Variants in AOAH observed in about 807,000 individuals in gnomAD.
AOAH encodes the protein acyloxyacyl hydrolase (neutrophil).
In AOAH, 64 loss-of-function variants were observed where a neutral mutation model predicts 92.2. That is an observed-to-expected ratio of 0.69 (90% confidence interval 0.57 to 0.86). The LOEUF (loss-of-function observed/expected upper bound fraction) is 0.86, where lower values mean the gene tolerates loss of function less well. Among genes scored for constraint, AOAH ranks in the 40% least tolerant of loss-of-function variants. The pLI is 0.00. For synonymous variants in AOAH, 263 were observed against 254.5 expected (o/e 1.03, Z -0.32); for missense variants, 656 against 694.6 (o/e 0.94, Z 0.62).
chr7:36,667,473 G>C (rs902718217), intron 3 of AOAH, among the ~76,000 whole-genome samples: 1 of 152,140 alleles, frequency 6.6e-6, no homozygotes, highest in Non-Finnish European at 1.5e-5. Flanking sequence ...ATTAAACTTT[G>C]TCATAGATAT....
chr7:36,550,356 CA>C (rs72089652), intron 13 of AOAH: 22,074 of 125,554 alleles, frequency 0.18, 1,704 homozygotes, highest in African/African-American at 0.24. Flanking sequence ...AGACTTGTCT[CA>C]AAAAAAAAAA....
chr7:36,548,425 AT>A (rs1221777050), intron 15 of AOAH, among the ~76,000 whole-genome samples, 186 bp downstream of exon 15: 2 of 152,086 alleles, frequency 1.3e-5, no homozygotes, highest in African/African-American at 4.8e-5. Flanking sequence ...ACCTCAGGTG[AT>A]CTGCCCACCT....
At chr7:36,533,697 GTGTT>G (rs772758512) in intron 16 of AOAH, among the ~76,000 whole-genome samples, 7,616 of 151,916 alleles carry the variant, frequency 0.05, 205 homozygotes, top group African/African-American at 0.059. Context: ...GTGTGTGTGT[GTGTT>G]TGTGTGTGTG....
intron 3 of AOAH, among the ~76,000 whole-genome samples, chr7:36,669,286 AG>A (rs1324313871): frequency 5.3e-5 from 8 of 151,932 alleles, no homozygotes; most frequent in African/African-American, 1.9e-4. Flanking sequence ...TCTTGTTTCT[AG>A]GTCACATCCT....
intron 3 of AOAH, among the ~76,000 whole-genome samples, chr7:36,663,340 C>A (rs1022436031): frequency 6.6e-6 from 1 of 152,124 alleles, no homozygotes; most frequent in African/African-American, 2.4e-5. Flanking sequence ...TTTAGTTCAC[C>A]TTAAGGTTCA....
intron 1 of AOAH, among the ~76,000 whole-genome samples, chr7:36,708,725 C>T (rs752909406): frequency 1.3e-5 from 2 of 152,124 alleles, no homozygotes; most frequent in Non-Finnish European, 2.9e-5. Flanking sequence ...ACTTTCTGGG[C>T]TTCAACTGTG....
rs556574473 is a variant in AOAH at position 36,710,156 on chromosome 7, T to C, written c.127+13866A>G. On this transcript the variant is annotated intron_variant, in intron 1 of 20. Transcript: ENST00000617537. ...GGCAGAACCTGTGAAAATGACTGGA[T>C]ATCACTTCCACGGTTATATTCTGTT... Among the ~76,000 whole-genome samples the C allele has an allele frequency of 3.9e-5, 6 of 152,302 alleles. No homozygotes were observed. The South Asian group carries it at 1.2e-3, about 32-fold the overall frequency.
Position 36,641,220 on chromosome 7 carries a change from A to G in AOAH, c.391-3310T>C, listed in dbSNP as rs58637766. ...AGCTTTCAGTCTTCAAGACTCATGC[A>G]TGGCTTTCTTGTTTACAGTGTGCCA... On this transcript the variant is annotated intron_variant, in intron 4 of 20. Coordinates refer to ENST00000617537, the MANE Select transcript of AOAH (RefSeq NM_001637.4). Among the ~76,000 whole-genome samples the G allele has an allele frequency of 0.012, 1,792 of 152,266 alleles. 89 individuals carry two copies. The East Asian group carries it at 0.18, about 15-fold the overall frequency.
intron 1 of AOAH, among the ~76,000 whole-genome samples, chr7:36,693,904 T>C (rs1797555269): frequency 6.6e-6 from 1 of 152,206 alleles, no homozygotes; most frequent in Non-Finnish European, 1.5e-5. Flanking sequence ...CTTGAATAAA[T>C]AGATCAGAAT....
chr7:36,708,121 C>T (rs1268650313), intron 1 of AOAH, among the ~76,000 whole-genome samples: 5 of 149,554 alleles, frequency 3.3e-5, no homozygotes, highest in Admixed American at 2.0e-4. Flanking sequence ...AGCTGTTAAT[C>T]ATTACATTTT....
intron 2 of AOAH, among the ~76,000 whole-genome samples, chr7:36,678,581 G>GTGTGTT (rs1796415054): frequency 7.9e-6 from 1 of 126,050 alleles, no homozygotes; most frequent in African/African-American, 4.0e-5. Flanking sequence ...GTGTGTGTGT[G>GTGTGTT]TGTGTGTGTG....
At chr7:36,653,832 T>A (rs12532240) in intron 4 of AOAH, among the ~76,000 whole-genome samples, 3,337 of 151,906 alleles carry the variant, frequency 0.022, 171 homozygotes, top group East Asian at 0.21. Flanking sequence ...AGGAAAGGAG[T>A]CAGTTCAAAG....
intron 1 of AOAH, among the ~76,000 whole-genome samples, chr7:36,700,938 T>C (rs1161082442): frequency 3.3e-5 from 5 of 152,098 alleles, no homozygotes; most frequent in Admixed American, 3.3e-4. Flanking sequence ...AGATTAGTGA[T>C]GTTGAACATT....
chr7:36,601,236 T>G (rs1316954108), intron 11 of AOAH, among the ~76,000 whole-genome samples: 1 of 152,246 alleles, frequency 6.6e-6, no homozygotes, highest in African/African-American at 2.4e-5. Context: ...AAGAAAGTAA[T>G]TTAACTCTGT....
At chr7:36,540,222 C>T in intron 16 of AOAH, 97 bp downstream of exon 16, 1 of 1,180,078 alleles carries the variant, frequency 8.5e-7, no homozygotes, top group Non-Finnish European at 1.2e-6. Flanking sequence ...TCCATGATGG[C>T]ATTTTAGGCA....
intron 1 of AOAH, among the ~76,000 whole-genome samples, chr7:36,713,064 A>C (rs948286602): frequency 1.3e-4 from 20 of 152,222 alleles, no homozygotes; most frequent in African/African-American, 4.1e-4. Flanking sequence ...AAGACCCATC[A>C]GTGTGCTGTA....
Position 36,605,571 on chromosome 7 carries a change from G to A in AOAH, c.846+10809C>T, listed in dbSNP as rs542419945. Among the ~76,000 whole-genome samples the A allele has an allele frequency of 1.4e-3, 213 of 152,346 alleles. 1 individual carries two copies. The highest frequency in any genetic ancestry group is 2.4e-3 in the Non-Finnish European group (166 of 68,040). The stretch of plus-strand genomic sequence containing the variant: ...TTCTGGCAGAGCAGGTATGTGGGCT[G>A]AGTAATTATAAATGCTTTTCAGAAG... On this transcript the variant is annotated intron_variant, in intron 11 of 20. Coordinates refer to ENST00000617537, the MANE Select transcript of AOAH (RefSeq NM_001637.4).
At chr7:36,567,348 G>A (rs934134909) in intron 13 of AOAH, among the ~76,000 whole-genome samples, 6 of 152,138 alleles carry the variant, frequency 3.9e-5, no homozygotes, top group Non-Finnish European at 7.4e-5. Context: ...TTTAGTATGA[G>A]ACAGACAGGG....
chr7:36,638,358 G>C (rs564939239), intron 4 of AOAH, among the ~76,000 whole-genome samples: 1 of 152,316 alleles, frequency 6.6e-6, no homozygotes, highest in South Asian at 2.1e-4. Flanking sequence ...TTGTGCTTTG[G>C]CAGTGAAGAA....
Sources: allele counts gnomAD v4.1 joint callset (sites outside exome capture counted in the v4.1 genomes callset), GRCh38; gene constraint gnomAD v4.1.1; transcripts MANE v1.5; gene names NCBI Gene and HGNC (gene_info 2026-07-23, HGNC 2026-07-21).